Variants in TBC1D19 observed in about 807,000 individuals in gnomAD.
The protein encoded by TBC1D19 is TBC1 domain family member 19.
TBC1D19 carries 60 observed loss-of-function variants against 89.0 expected under a neutral mutation model. The observed-to-expected ratio is 0.67, with a 90% confidence interval of 0.55 to 0.84. The LOEUF is 0.84. TBC1D19 is among the 40% of genes least tolerant of loss of function. The pLI is 0.00. For missense variants in TBC1D19, 500 were observed against 610.8 expected (o/e 0.82, Z 1.91); for synonymous variants, 189 against 199.7 (o/e 0.95, Z 0.45).
chr4:26,670,479 A>G (rs759537464), intron 9 of TBC1D19, among the ~76,000 whole-genome samples: 4 of 151,628 alleles, frequency 2.6e-5, no homozygotes, highest in Admixed American at 2.0e-4. Context: ...AATTCTTCTG[A>G]TTTTTCTTTA....
At chr4:26,841,551 A>G in the TBC1D19 span, among the ~76,000 whole-genome samples, 1 of 152,056 alleles carries the variant, frequency 6.6e-6, no homozygotes, top group Non-Finnish European at 1.5e-5. Context: ...GCCTGACTTG[A>G]CTTCCCAGCC....
At chr4:26,728,516 A>G (rs1717454193) in intron 15 of TBC1D19, among the ~76,000 whole-genome samples, 1 of 151,986 alleles carries the variant, frequency 6.6e-6, no homozygotes, top group East Asian at 1.9e-4. Flanking sequence ...GTAGGAAGGT[A>G]AAAAAAAGAT....
At chr4:26,628,173 G>A (rs1333723382) in intron 4 of TBC1D19, among the ~76,000 whole-genome samples, 1 of 152,018 alleles carries the variant, frequency 6.6e-6, no homozygotes. Flanking sequence ...TTTTTCTCAG[G>A]TTTGTCAAAG....
the TBC1D19 span, among the ~76,000 whole-genome samples, chr4:26,776,601 G>T: frequency 6.6e-6 from 1 of 152,106 alleles, no homozygotes; most frequent in Non-Finnish European, 1.5e-5. Context: ...TAGTCATTTT[G>T]GTTGTCTGAA....
chr4:26,777,939 G>T, the TBC1D19 span, among the ~76,000 whole-genome samples: 1 of 152,040 alleles, frequency 6.6e-6, no homozygotes. Flanking sequence ...AGGGCGTGGC[G>T]GTACATGCCA....
the TBC1D19 span, among the ~76,000 whole-genome samples, chr4:26,848,102 G>C: frequency 1.3e-5 from 2 of 152,314 alleles, no homozygotes; most frequent in Admixed American, 1.3e-4. Flanking sequence ...TGGGCCACAA[G>C]GTGCCCAGAT....
At chr4:26,593,233 T>A (rs1306928250) in intron 1 of TBC1D19, among the ~76,000 whole-genome samples, 3 of 152,106 alleles carry the variant, frequency 2.0e-5, no homozygotes, top group Non-Finnish European at 4.4e-5. Flanking sequence ...AAACAAGCAA[T>A]GGGGAAAGGA....
chr4:26,577,240 C>T (rs1202465906), intron 1 of TBC1D19, among the ~76,000 whole-genome samples: 1 of 151,984 alleles, frequency 6.6e-6, no homozygotes, highest in African/African-American at 2.4e-5. Flanking sequence ...TGCTAGCCTC[C>T]CCAGTCACAT....
At chr4:26,621,834 G>A (rs1742067472) in intron 4 of TBC1D19, among the ~76,000 whole-genome samples, 1 of 151,598 alleles carries the variant, frequency 6.6e-6, no homozygotes. Context: ...TAAAGATTTG[G>A]AACCAACCCA....
At chr4:26,714,970 A>G (rs1314384327) in intron 13 of TBC1D19, among the ~76,000 whole-genome samples, 1 of 151,954 alleles carries the variant, frequency 6.6e-6, no homozygotes, top group Admixed American at 6.6e-5. Flanking sequence ...GAATGCCTCA[A>G]GTCTCAGTTC....
At chr4:26,679,344 C>T (rs1713127272) in intron 11 of TBC1D19, among the ~76,000 whole-genome samples, 1 of 152,224 alleles carries the variant, frequency 6.6e-6, no homozygotes, top group Middle Eastern at 3.2e-3. Flanking sequence ...GGTCAGGCCA[C>T]TGCTTCAGAG....
the TBC1D19 span, among the ~76,000 whole-genome samples, chr4:26,779,657 G>C: frequency 6.6e-6 from 1 of 152,200 alleles, no homozygotes; most frequent in Non-Finnish European, 1.5e-5. Flanking sequence ...TAACACAGAG[G>C]AGCTTAAGCC....
At chr4:26,640,597 A>C (rs1049618515) in intron 7 of TBC1D19, among the ~76,000 whole-genome samples, 4 of 152,150 alleles carry the variant, frequency 2.6e-5, no homozygotes, top group South Asian at 2.1e-4. Flanking sequence ...CGAAGCAGGG[A>C]GGGGCATTGC....
the TBC1D19 span, among the ~76,000 whole-genome samples, chr4:26,762,279 T>C: frequency 6.6e-6 from 1 of 152,228 alleles, no homozygotes; most frequent in East Asian, 1.9e-4. Context: ...CCTTTTAACT[T>C]AAACAGCTGG....
Position 26,713,498 on chromosome 4 carries a change from T to A in TBC1D19, c.955-4435T>A, listed in dbSNP as rs1016767964. Among the ~76,000 whole-genome samples the A allele has an allele frequency of 4.6e-5, 7 of 152,108 alleles. No homozygotes were observed. The East Asian group carries it at 1.2e-3, about 25-fold the overall frequency. On this transcript the variant is annotated intron_variant, in intron 13 of 20. Coordinates refer to ENST00000264866, the MANE Select transcript of TBC1D19 (RefSeq NM_018317.4). ...AGGAAAGAACATATCATTTTGGAAT[T>A]TCTCAACAATGGAATAAGAAAAATA...
intron 10 of TBC1D19, among the ~76,000 whole-genome samples, chr4:26,673,480 T>A (rs1351646726): frequency 7.2e-5 from 4 of 55,684 alleles, no homozygotes; most frequent in Admixed American, 1.9e-4. Flanking sequence ...CACACAATAC[T>A]AGTTTCAGAT....
intron 1 of TBC1D19, among the ~76,000 whole-genome samples, chr4:26,603,728 C>T (rs1054219322): frequency 2.0e-5 from 3 of 152,086 alleles, no homozygotes; most frequent in African/African-American, 7.2e-5. Flanking sequence ...AATACAATTA[C>T]TTTAAACAAA....
At chr4:26,855,472 A>C in the TBC1D19 span, among the ~76,000 whole-genome samples, 3 of 152,238 alleles carry the variant, frequency 2.0e-5, no homozygotes, top group Non-Finnish European at 4.4e-5. Context: ...AGGTATTAGC[A>C]TAAGGACCTG....
chr4:26,636,488 T>TAAAAAAAAAAAAAAAAAAAA (rs71643685), intron 4 of TBC1D19, among the ~76,000 whole-genome samples: 2 of 131,008 alleles, frequency 1.5e-5, no homozygotes, highest in African/African-American at 2.8e-5. Context: ...GTCAGTATCA[T>TAAAAAAAAAAAAAAAAAAAA]AAAAAAAAAA....
Sources: allele counts gnomAD v4.1 joint callset (sites outside exome capture counted in the v4.1 genomes callset), GRCh38; gene constraint gnomAD v4.1.1; transcripts MANE v1.5; gene names NCBI Gene and HGNC (gene_info 2026-07-23, HGNC 2026-07-21).